Variants in CADM2 observed in about 807,000 individuals in gnomAD.
The protein encoded by CADM2 is cell adhesion molecule 2.
In CADM2, 12 loss-of-function variants were observed where a neutral mutation model predicts 49.8. The ratio of observed to expected loss-of-function variants is 0.24; its 90% CI spans 0.15 to 0.39. CADM2 has a LOEUF of 0.39. CADM2 is among the 10% of genes least tolerant of loss of function. CADM2 has a pLI of 1.00. For missense variants in CADM2, 378 were observed against 492.3 expected, an observed-to-expected ratio of 0.77 and a Z score of 2.20; for synonymous variants, 214 against 175.4, an observed-to-expected ratio of 1.22 and a Z score of -1.74.
intron 1 of CADM2, among the ~76,000 whole-genome samples, chr3:85,449,289 T>A (rs541022088): frequency 4.0e-5 from 6 of 151,772 alleles, no homozygotes; most frequent in Admixed American, 6.6e-5. Context: ...GGGGTCTAGA[T>A]GAAGATTTTG....
At chr3:85,815,698 GCCTCTCTCACCACT>G (rs2073164095) in intron 3 of CADM2, among the ~76,000 whole-genome samples, 1 of 152,086 alleles carries the variant, frequency 6.6e-6, no homozygotes, top group Non-Finnish European at 1.5e-5. Flanking sequence ...GACAAGGTTG[GCCTCTCTCACCACT>G]CCTATTCAAC....
chr3:85,278,024 T>A (rs906470667), intron 1 of CADM2, among the ~76,000 whole-genome samples: 6 of 151,208 alleles, frequency 4.0e-5, no homozygotes, highest in African/African-American at 1.2e-4. Flanking sequence ...CCCTTTTTTT[T>A]TCTATTTCCA....
intron 1 of CADM2, among the ~76,000 whole-genome samples, chr3:85,495,810 T>C (rs564234449): frequency 1.3e-4 from 20 of 151,126 alleles, no homozygotes; most frequent in Non-Finnish European, 2.4e-4. Context: ...GAGTGAGGAG[T>C]CATTCATTAC....
rs532088322 is a variant in CADM2 at position 85,534,875 on chromosome 3, T to C, written c.62-191647T>C. ...GATTCAGGTAAGAAAATGATTGCAA[T>C]GAGTGGCTACTTTTGTTGTTTATGT... On this transcript the variant is annotated intron_variant, in intron 1 of 9. Coordinates refer to ENST00000383699, the MANE Select transcript of CADM2 (RefSeq NM_001167675.2). Among the ~76,000 whole-genome samples the C allele has an allele frequency of 2.6e-5, 4 of 152,286 alleles. No homozygotes were observed. In the East Asian group the frequency reaches 5.8e-4, roughly 22 times the overall value.
chr3:85,464,571 A>G (rs2038403137), intron 1 of CADM2, among the ~76,000 whole-genome samples: 1 of 152,154 alleles, frequency 6.6e-6, no homozygotes, highest in South Asian at 2.1e-4. Flanking sequence ...CTCCCCGCTA[A>G]GTCTATTTCT....
At chr3:85,137,872 T>A (rs540513519) in intron 1 of CADM2, among the ~76,000 whole-genome samples, 1 of 152,248 alleles carries the variant, frequency 6.6e-6, no homozygotes, top group African/African-American at 2.4e-5. Context: ...GAATATATTA[T>A]GTATAAAACT....
At chr3:85,022,133 G>A (rs1460153837) in intron 1 of CADM2, among the ~76,000 whole-genome samples, 1 of 152,176 alleles carries the variant, frequency 6.6e-6, no homozygotes. Context: ...AGAGGGGACA[G>A]GCTGACATGA....
chr3:85,703,691 A>G (rs1482151168), intron 1 of CADM2, among the ~76,000 whole-genome samples: 2 of 152,210 alleles, frequency 1.3e-5, no homozygotes, highest in Non-Finnish European at 2.9e-5. Flanking sequence ...GGAGGAGAGA[A>G]AGAGCTGACT....
At chr3:85,118,781 C>A (rs997833847) in intron 1 of CADM2, among the ~76,000 whole-genome samples, 4 of 152,164 alleles carry the variant, frequency 2.6e-5, no homozygotes, top group African/African-American at 9.7e-5. Context: ...CAAAGTTTCA[C>A]TCTTGTTGAC....
chr3:85,614,704 T>C (rs1418545239), intron 1 of CADM2, among the ~76,000 whole-genome samples: 2 of 151,890 alleles, frequency 1.3e-5, no homozygotes, highest in Non-Finnish European at 2.9e-5. Flanking sequence ...CCTATGTCTA[T>C]ATAATTCCAA....
chr3:85,442,858 T>C (rs565634757), intron 1 of CADM2, among the ~76,000 whole-genome samples: 12 of 151,780 alleles, frequency 7.9e-5, no homozygotes, highest in African/African-American at 2.4e-4. Context: ...ATTGATATAA[T>C]ATCAGGAATC....
intron 1 of CADM2, among the ~76,000 whole-genome samples, chr3:85,187,443 TAA>T (rs1035168970): frequency 9.9e-5 from 15 of 152,118 alleles, no homozygotes; most frequent in Non-Finnish European, 1.9e-4. Context: ...CATCTCCTCA[TAA>T]GTTTTTTTTA....
chr3:85,184,399 C>A (rs1465437882), intron 1 of CADM2, among the ~76,000 whole-genome samples: 1 of 151,948 alleles, frequency 6.6e-6, no homozygotes, highest in Non-Finnish European at 1.5e-5. Flanking sequence ...TGAGAAATGA[C>A]CTAATACTTA....
chr3:85,186,657 T>C (rs1186747720), intron 1 of CADM2, among the ~76,000 whole-genome samples: 1 of 151,926 alleles, frequency 6.6e-6, no homozygotes, highest in Admixed American at 6.6e-5. Flanking sequence ...TTTAACACCA[T>C]CCCTGGCCTA....
chr3:85,794,749 A>G (rs1001800638), intron 2 of CADM2, among the ~76,000 whole-genome samples: 4 of 152,078 alleles, frequency 2.6e-5, no homozygotes, highest in Admixed American at 2.6e-4. Flanking sequence ...AACAAGATCC[A>G]TACTGTACCA....
At position 85,743,731 on chromosome 3, in the gene CADM2, C is replaced by A. The variant is rs187825267; in HGVS notation, c.88+17183C>A. Among the ~76,000 whole-genome samples the A allele has an allele frequency of 1.0e-3, 157 of 152,276 alleles. 1 individual carries two copies. The highest frequency in any genetic ancestry group is 1.7e-3 in the Admixed American group (26 of 15,296). ...TACACTGAATAGCGCAAAGAGGCAG[C>A]TTTCAAGTGAAAACAATTTAAACTC... On this transcript the variant is annotated intron_variant, in intron 2 of 9. Transcript: ENST00000383699.
At chr3:85,192,181 A>G (rs1453165327) in intron 1 of CADM2, among the ~76,000 whole-genome samples, 2 of 152,090 alleles carry the variant, frequency 1.3e-5, no homozygotes, top group African/African-American at 4.8e-5. Flanking sequence ...GGTGTACTAA[A>G]TGGTGTAATT....
chr3:85,347,370 T>G (rs1245777717), intron 1 of CADM2, among the ~76,000 whole-genome samples: 1 of 149,880 alleles, frequency 6.7e-6, no homozygotes, highest in Non-Finnish European at 1.5e-5. Flanking sequence ...TGATCACGTA[T>G]GTATAATTTT....
intron 1 of CADM2, among the ~76,000 whole-genome samples, chr3:85,200,854 A>G (rs1175705206): frequency 6.6e-6 from 1 of 152,194 alleles, no homozygotes; most frequent in Non-Finnish European, 1.5e-5. Context: ...TTTATTAGAT[A>G]GAAAAATATC....
Sources: allele counts gnomAD v4.1 joint callset (sites outside exome capture counted in the v4.1 genomes callset), GRCh38; gene constraint gnomAD v4.1.1; transcripts MANE v1.5; gene names NCBI Gene and HGNC (gene_info 2026-07-23, HGNC 2026-07-21).